Variants in BRCA2 observed in about 807,000 individuals in gnomAD.
The protein encoded by BRCA2 is breast cancer type 2 susceptibility protein.
Under a neutral mutation model 276.7 loss-of-function variants are expected in BRCA2, and 203 were observed. The observed-to-expected ratio is 0.73, with a 90% CI of 0.65 to 0.82. BRCA2 has a LOEUF of 0.82. Among genes scored for constraint, BRCA2 ranks in the 40% least tolerant of loss-of-function variants. The pLI is 0.00. For synonymous variants in BRCA2, 1,289 were observed against 1,338.4 expected (o/e 0.96, Z 0.81); for missense variants, 3,920 against 3,915.0 (o/e 1.00, Z -0.03).
In BRCA2 at chr13:32,355,243, C is replaced by G. The variant is rs572945276; in HGVS notation, c.7390C>G (p.Gln2464Glu). The change falls in exon 14 of 27, where the codon CAA (glutamine) becomes GAA (glutamate). Residue 2464 changes from glutamine (Q) to glutamate (E), a missense_variant. Physicochemically the swap from Gln to Glu is conservative, Grantham distance 29. This residue lies in a region of BRCA2 where 3,263 missense variants were observed against 3,156.9 expected (regional missense o/e 1.03). Coordinates refer to ENST00000380152, the MANE Select transcript of BRCA2 (RefSeq NM_000059.4). Reference protein sequence around the residue: ...IHQFNKNNSNQAVAVTFTKCE... With the variant: ...IHQFNKNNSNEAVAVTFTKCE... ...TCAGTTTAACAAAAACAACTCCAAT[C>G]AAGCAGTAGCTGTAACTTTCACAAA... The G allele has an allele frequency of 2.5e-6, 4 of 1,612,888 alleles. No homozygotes were observed. The African/African-American group carries it at 4.0e-5, about 16-fold the overall frequency.
intron 18 of BRCA2, among the ~76,000 whole-genome samples, chr13:32,370,002 A>G (rs1470588067): frequency 6.6e-6 from 1 of 152,200 alleles, no homozygotes; most frequent in African/African-American, 2.4e-5. Flanking sequence ...TACTTGTTCC[A>G]CAAATTCTTA....
In BRCA2 at chr13:32,339,394, C is replaced by T. The variant is rs1555284041; in HGVS notation, c.5039C>T (p.Ser1680Phe). Residue 1680 changes from serine to phenylalanine, a missense_variant, in exon 11 of 27, where the codon TCT (serine) becomes TTT (phenylalanine). Ser to Phe is a radical substitution (Grantham distance 155). Around this residue, in one of 2 missense-constraint regions of BRCA2, gnomAD observed 3,263 missense variants for 3,156.9 expected, o/e 1.03. Coordinates refer to ENST00000380152, the MANE Select transcript of BRCA2 (RefSeq NM_000059.4). ...AFYTSCSRKT[S>F]VSQTSLLEAK... ...TACACAAGTTGTAGTAGAAAAACTT[C>T]TGTGAGTCAGACTTCATTACTTGAA... 1 of 1,595,762 alleles carries T rather than the reference C, an allele frequency of 6.3e-7. No individual in the cohort carries two copies. Among genetic ancestry groups the T allele is most frequent in the African/African-American group, 1.4e-5 (1 of 73,934 alleles).
intron 10 of BRCA2, among the ~76,000 whole-genome samples, chr13:32,335,736 T>TA (rs1270808666): frequency 1.3e-5 from 2 of 152,216 alleles, no homozygotes; most frequent in African/African-American, 4.8e-5. Flanking sequence ...TAACTATTAT[T>TA]AAAAAAACAA....
At position 32,356,318 on chromosome 13, in the gene BRCA2, C is replaced by T; in HGVS notation, c.7436-110C>T. 3 of 1,102,910 alleles carry T rather than the reference C, an allele frequency of 2.7e-6. No homozygotes were observed. The South Asian group carries it at 3.9e-5, about 14-fold the overall frequency. 68.3% of individuals were successfully genotyped at this position (1,102,910 alleles called of 1,614,324 possible). ...CTCCCGACCTCAGATGATCTGCCCG[C>T]CTCAGCCTCCCAAAGTGCTGGGATT... On this transcript the variant is annotated intron_variant, in intron 14 of 26. Coordinates refer to ENST00000380152, the MANE Select transcript of BRCA2 (RefSeq NM_000059.4).
chr13:32,379,673 T>A (rs2072905952), intron 22 of BRCA2, 77 bp from the exon 23 acceptor site: 1 of 1,545,944 alleles, frequency 6.5e-7, no homozygotes, highest in Non-Finnish European at 8.9e-7. Context: ...TAAAAGAGGA[T>A]CTGTATTTAT....
intron 20 of BRCA2, among the ~76,000 whole-genome samples, chr13:32,373,321 C>G (rs2072847953): frequency 6.6e-6 from 1 of 151,526 alleles, no homozygotes; most frequent in South Asian, 2.1e-4. Context: ...GCCTGGCCAA[C>G]ATGGTGAAAC....
In BRCA2 at chr13:32,344,702, A is replaced by G. The variant is rs745309949; in HGVS notation, c.6937+49A>G. On this transcript the variant is annotated intron_variant, in intron 12 of 26. Coordinates refer to ENST00000380152, the MANE Select transcript of BRCA2 (RefSeq NM_000059.4). Reference sequence around the variant, plus strand: ...TCTGTTCTCCCTCTATAGGTATGGTATATAATATTCTGACCTCAGGTGATC... The same window carrying G: ...TCTGTTCTCCCTCTATAGGTATGGTGTATAATATTCTGACCTCAGGTGATC... 2.0e-5 allele frequency: 26 copies of G among 1,323,612 alleles called. No individual in the cohort carries two copies. The highest frequency in any genetic ancestry group is 2.6e-5 in the Non-Finnish European group (24 of 923,624). The allele number at this position is 1,323,612 out of a possible 1,614,324, so 82.0% of individuals were successfully genotyped here.
At chr13:32,351,955 C>T (rs772144590) in intron 13 of BRCA2, among the ~76,000 whole-genome samples, 6 of 152,132 alleles carry the variant, frequency 3.9e-5, no homozygotes, top group Non-Finnish European at 8.8e-5. Flanking sequence ...GCGCGTGCCA[C>T]CATGCCCGGC....
rs1412762465 is a variant in BRCA2 at position 32,398,649 on chromosome 13, A to C, written c.10136A>C (p.Tyr3379Ser). Residue 3379 changes from tyrosine to serine, a missense_variant, in exon 27 of 27, where the codon TAT (tyrosine) becomes TCT (serine). By Grantham distance (144) the Tyr-to-Ser change is moderately radical. This residue lies in a region of BRCA2 where 657 missense variants were observed against 758.2 expected (regional missense o/e 0.87). Transcript: ENST00000380152. The part of the protein sequence containing the change: ...TRTAPTSSED[Y>S]LRLKRRCTTS... The stretch of plus-strand genomic sequence containing the variant: ...ACTGCTCCCACCAGTTCAGAAGATT[A>C]TCTCAGACTGAAACGACGTTGTACT... 1 of 1,614,232 alleles carries C rather than the reference A, an allele frequency of 6.2e-7. No individual in the cohort carries two copies. The highest frequency in any genetic ancestry group is 1.7e-5 in the Admixed American group (1 of 60,032).
At position 32,339,003 on chromosome 13, in the gene BRCA2, G is replaced by C. The variant is rs80358695; in HGVS notation, c.4648G>C (p.Glu1550Gln). ...DKVKNLFDEK[E>Q]QGTSEITSFS... ...AGTGAAAAACCTTTTTGATGAAAAA[G>C]AGCAAGGTACTAGTGAAATCACCAG... Residue 1550 changes from glutamate to glutamine, a missense_variant, in exon 11 of 27, where the codon GAG becomes CAG. Glu to Gln is a conservative substitution (Grantham distance 29). Transcript: ENST00000380152. 3.7e-6 allele frequency: 6 copies of C among 1,613,676 alleles called. No individual in the cohort carries two copies. Among genetic ancestry groups the C allele is most frequent in the Non-Finnish European group, 5.1e-6 (6 of 1,179,868 alleles).
Position 32,357,895 on chromosome 13 carries a change from A to G in BRCA2, c.7771A>G (p.Asn2591Asp), listed in dbSNP as rs778060629. The change falls in exon 16 of 27, where the codon AAT becomes GAT. Residue 2591 changes from asparagine (N) to aspartate (D), a missense_variant. Physicochemically the swap from Asn to Asp is conservative, Grantham distance 23. Transcript: ENST00000380152. ...TGATGGTGGATGGCTCATACCCTCC[A>G]ATGATGGAAAGGCTGGAAAAGAAGA... ...LADGGWLIPS[N>D]DGKAGKEEFY... 1.9e-6 allele frequency: 3 copies of G among 1,614,014 alleles called. No individual in the cohort carries two copies. The highest frequency in any genetic ancestry group is 2.7e-5 in the African/African-American group (2 of 74,934).
rs1300676731 is a variant in BRCA2 at position 32,338,813 on chromosome 13, TAAACAC to T, written c.4462_4467del (p.His1488_Lys1489del). On this transcript the variant is annotated inframe_deletion, in exon 11 of 27. Transcript: ENST00000380152. ...TAAGTTATGAGGAAACAGACATAGTTAAACACAAAATACTGAAAGAAAGTGTCCCAG... is the reference window on the plus strand; with the variant it reads ...TAAGTTATGAGGAAACAGACATAGTTAAAATACTGAAAGAAAGTGTCCCAG... 5 of 1,613,690 alleles carry T rather than the reference TAAACAC, an allele frequency of 3.1e-6. No individual in the cohort carries two copies. The highest frequency in any genetic ancestry group is 2.2e-5 in the South Asian group (2 of 90,976).
At chr13:32,334,665 C>T (rs1318377520) in intron 10 of BRCA2, among the ~76,000 whole-genome samples, 7 of 149,762 alleles carry the variant, frequency 4.7e-5, no homozygotes, top group Non-Finnish European at 5.9e-5. Context: ...CAAAATGAGA[C>T]CTTGTCCCTG....
At chr13:32,346,479 G>A (rs1264325725) in intron 12 of BRCA2, among the ~76,000 whole-genome samples, 1 of 151,978 alleles carries the variant, frequency 6.6e-6, no homozygotes, top group Non-Finnish European at 1.5e-5. Context: ...GTTACATACT[G>A]AGAATGAACA....
chr13:32,387,433 G>A (rs771117615), intron 24 of BRCA2, among the ~76,000 whole-genome samples: 7 of 152,090 alleles, frequency 4.6e-5, no homozygotes, highest in Non-Finnish European at 8.8e-5. Context: ...CTTCTGTCAC[G>A]CCCGCATAAG....
At position 32,398,529 on chromosome 13, in the gene BRCA2, T is replaced by G. The variant is rs1566261317; in HGVS notation, c.10016T>G (p.Ile3339Arg). Residue 3339 changes from isoleucine (I) to arginine (R), a missense_variant, in exon 27 of 27, where the codon ATA (isoleucine) becomes AGA (arginine). This residue lies in a region of BRCA2 where 657 missense variants were observed against 758.2 expected (regional missense o/e 0.87). Transcript: ENST00000380152. ...ATTTCTCTTTTGGAAAGTAATTCAATAGCTGACGAAGAACTTGCATTGATA... is the reference window on the plus strand; with the variant it reads ...ATTTCTCTTTTGGAAAGTAATTCAAGAGCTGACGAAGAACTTGCATTGATA... ...NEISLLESNS[I>R]ADEELALINT... 1 of 1,614,206 alleles carries G rather than the reference T, an allele frequency of 6.2e-7. No individual in the cohort carries two copies. The highest frequency in any genetic ancestry group is 8.5e-7 in the Non-Finnish European group (1 of 1,180,042).
rs80358776 is a variant in BRCA2 at position 32,339,907 on chromosome 13, T to G, written c.5552T>G (p.Ile1851Ser). The change falls in exon 11 of 27, where the codon ATC becomes AGC. Residue 1851 changes from isoleucine to serine, a missense_variant. Transcript: ENST00000380152. ...GCATTTAGGATAGCCAGTGGTAAAATCGTTTGTGTTTCACATGAAACAATT... is the reference window on the plus strand; with the variant it reads ...GCATTTAGGATAGCCAGTGGTAAAAGCGTTTGTGTTTCACATGAAACAATT... ...PPAFRIASGK[I>S]VCVSHETIKK... 8.3e-5 allele frequency: 134 copies of G among 1,608,738 alleles called. No homozygotes were observed. Among genetic ancestry groups the G allele is most frequent in the Non-Finnish European group, 1.1e-4 (132 of 1,177,246 alleles).
chr13:32,337,597 G>A lies in BRCA2; in HGVS notation c.3242G>A (p.Cys1081Tyr), dbSNP rs752871893. 2.5e-6 allele frequency: 4 copies of A among 1,593,786 alleles called. No homozygotes were observed. The highest frequency in any genetic ancestry group is 1.1e-5 in the South Asian group (1 of 87,502). Residue 1081 changes from cysteine (C) to tyrosine (Y), a missense_variant, in exon 11 of 27, where the codon TGT becomes TAT. Physicochemically the swap from Cys to Tyr is radical, Grantham distance 194 (BLOSUM62 -2). This residue lies in a region of BRCA2 where 3,263 missense variants were observed against 3,156.9 expected (regional missense o/e 1.03). Coordinates refer to ENST00000380152, the MANE Select transcript of BRCA2 (RefSeq NM_000059.4). Reference sequence around the variant, plus strand: ...CAGAGTAGTGTAGTTGTTTCTGATTGTAAAAATAGTCATATAACCCCTCAG... The same window carrying A: ...CAGAGTAGTGTAGTTGTTTCTGATTATAAAAATAGTCATATAACCCCTCAG... ...HLQSSVVVSD[C>Y]KNSHITPQML...
chr13:32,397,163 T>G (rs1181433263), intron 26 of BRCA2, 119 bp downstream of exon 26: 3 of 1,176,658 alleles, frequency 2.5e-6, no homozygotes, highest in Non-Finnish European at 2.5e-6. Context: ...AAAATGTGGT[T>G]GTTATGTGGC....
Sources: gnomAD v4.1 joint callset for allele counts (sites outside exome capture counted in the v4.1 genomes callset) on GRCh38, gnomAD v4.1.1 for gene constraint, gnomAD v4.1.1 regional missense constraint, MANE v1.5 for transcripts, NCBI Gene and HGNC (gene_info 2026-07-23, HGNC 2026-07-21) for gene names.